MTHFS: variants seen among roughly 807,000 people sequenced by gnomAD.
MTHFS encodes the protein methenyltetrahydrofolate synthetase.
A neutral mutation model predicts 12.7 loss-of-function variants in MTHFS; 7 were observed. The observed-to-expected ratio is 0.55, with a 90% CI of 0.31 to 1.03. MTHFS has a LOEUF of 1.03. MTHFS is among the 50% of genes least tolerant of loss of function. The pLI is 0.05. For synonymous variants in MTHFS, 100 were observed against 97.1 expected (o/e 1.03, Z -0.18); for missense variants, 252 against 258.1 (o/e 0.98, Z 0.16).
chr15:79,894,517 TCTC>T (rs2034532239), intron 1 of MTHFS, among the ~76,000 whole-genome samples: 1 of 152,218 alleles, frequency 6.6e-6, no homozygotes, highest in Non-Finnish European at 1.5e-5. Flanking sequence ...AATTTTTCTC[TCTC>T]CTCCTTTAAT....
Position 79,889,113 on chromosome 15 carries a change from C to G in MTHFS, c.359G>C (p.Arg120Pro), listed in dbSNP as rs142339581. The change falls in exon 2 of 3, where the codon CGG becomes CCG. Residue 120 changes from arginine (R) to proline (P), a missense_variant. Coordinates refer to ENST00000258874, the MANE Select transcript of MTHFS (RefSeq NM_006441.4). ...NIPQPGEGDV[R>P]EEALSTGGLD... ...CTCACCTGTGGACAAGGCCTCCTCC[C>G]GAACATCACCCTCACCAGGCTGAGG... 1.9e-5 allele frequency: 31 copies of G among 1,614,134 alleles called. No homozygotes were observed. Among genetic ancestry groups the G allele is most frequent in the Non-Finnish European group, 2.5e-5 (30 of 1,180,022 alleles).
chr15:79,883,666 A>G (rs2034334302), intron 2 of MTHFS, among the ~76,000 whole-genome samples: 1 of 150,868 alleles, frequency 6.6e-6, no homozygotes, highest in Admixed American at 6.6e-5. Flanking sequence ...CTACAAGGCG[A>G]ACTGTACTAG....
chr15:79,894,003 C>T (rs1015153159), intron 1 of MTHFS, among the ~76,000 whole-genome samples: 1 of 152,274 alleles, frequency 6.6e-6, no homozygotes, highest in Non-Finnish European at 1.5e-5. Context: ...AAACACTACA[C>T]AGTACACTGA....
At chr15:79,885,693 A>C (rs963560923) in intron 2 of MTHFS, among the ~76,000 whole-genome samples, 2 of 152,250 alleles carry the variant, frequency 1.3e-5, no homozygotes, top group Non-Finnish European at 2.9e-5. Context: ...ATTTGGGTCA[A>C]GAAGAGTTAG....
intron 1 of MTHFS, among the ~76,000 whole-genome samples, chr15:79,895,758 C>A (rs1427235399): frequency 6.6e-6 from 1 of 152,182 alleles, no homozygotes; most frequent in Non-Finnish European, 1.5e-5. Flanking sequence ...AACCCATAGG[C>A]ACCTTGAATT....
At chr15:79,864,706 C>T (rs1488968893) in intron 2 of MTHFS, among the ~76,000 whole-genome samples, 1 of 151,928 alleles carries the variant, frequency 6.6e-6, no homozygotes, top group Non-Finnish European at 1.5e-5. Context: ...CAAGTTAGTA[C>T]CCCCTTGCTT....
intron 2 of MTHFS, among the ~76,000 whole-genome samples, chr15:79,875,261 G>T (rs569383680): frequency 1.3e-5 from 2 of 148,272 alleles, no homozygotes; most frequent in South Asian, 4.3e-4. Context: ...CTGACTTCCC[G>T]CAACAAAAGC....
At position 79,845,225 on chromosome 15, in the gene MTHFS, G is replaced by C; in HGVS notation, c.597C>G (p.Asp199Glu). 1 of 1,614,186 alleles carries C rather than the reference G, an allele frequency of 6.2e-7. No individual in the cohort carries two copies. Among genetic ancestry groups the C allele is most frequent in the South Asian group, 1.1e-5 (1 of 91,084 alleles). The change falls in exon 3 of 3, where the codon GAC becomes GAG. Residue 199 changes from aspartate to glutamate, a missense_variant. By Grantham distance (45) the Asp-to-Glu change is conservative. Coordinates refer to ENST00000258874, the MANE Select transcript of MTHFS (RefSeq NM_006441.4). ...DMKVDEVLYE[D>E]SSTA The stretch of plus-strand genomic sequence containing the variant: ...TAATCCAGATTTAAGCTGTTGACGA[G>C]TCTTCGTAAAGGACTTCATCTACCT...
chr15:79,889,468 A>G, intron 1 of MTHFS, 114 bp from the exon 2 acceptor site: 2 of 1,363,218 alleles, frequency 1.5e-6, no homozygotes, highest in Non-Finnish European at 1.9e-6. Context: ...TTAAAAAGAA[A>G]AAAAAAGGGG....
In MTHFS at chr15:79,879,120, A is replaced by ATTTTCATTTGTATCATGC. The variant is rs538316538; in HGVS notation, c.379+9955_379+9972dup. 1.2e-3 allele frequency among the ~76,000 whole-genome samples: 180 copies of ATTTTCATTTGTATCATGC among 152,118 alleles called. 1 individual carries two copies. The highest frequency in any genetic ancestry group is 2.0e-3 in the Non-Finnish European group (139 of 67,984). ...AAAAAATTTAACACAAAAAATTTTC[A>ATTTTCATTTGTATCATGC]TTTTCATTTGTATCATGCTTTTCAT... On this transcript the variant is annotated intron_variant, in intron 2 of 2. Coordinates refer to ENST00000258874, the MANE Select transcript of MTHFS (RefSeq NM_006441.4).
intron 2 of MTHFS, among the ~76,000 whole-genome samples, chr15:79,850,039 A>G (rs1426339939): frequency 6.6e-6 from 1 of 152,256 alleles, no homozygotes; most frequent in African/African-American, 2.4e-5. Context: ...CTGTGTGATC[A>G]TAGGAAAGCT....
At chr15:79,875,801 A>C (rs1027029557) in intron 2 of MTHFS, 1 of 152,178 alleles carries the variant, frequency 6.6e-6, no homozygotes, top group Non-Finnish European at 1.5e-5. Context: ...AAATATTTGC[A>C]AATCACATAT....
At chr15:79,880,042 CA>C (rs1251206190) in intron 2 of MTHFS, among the ~76,000 whole-genome samples, 1 of 152,074 alleles carries the variant, frequency 6.6e-6, no homozygotes, top group African/African-American at 2.4e-5. Flanking sequence ...CTACTTCATC[CA>C]ACAGTAAATT....
At chr15:79,889,673 C>T (rs968955262) in intron 1 of MTHFS, among the ~76,000 whole-genome samples, 19 of 152,108 alleles carry the variant, frequency 1.2e-4, no homozygotes, top group African/African-American at 4.3e-4. Flanking sequence ...CCCCACCTAT[C>T]CATTTTAGTA....
rs2034577319 is a variant in MTHFS at position 79,896,689 on chromosome 15, C to A, written c.117+183G>T. 2.6e-6 allele frequency: 3 copies of A among 1,147,650 alleles called. No homozygotes were observed. In the African/African-American group the frequency reaches 4.9e-5, roughly 19 times the overall value. The allele number at this position is 1,147,650 out of a possible 1,614,324, so 71.1% of individuals were successfully genotyped here. A position where few individuals can be genotyped will look rare whatever the true frequency, so the allele number is the denominator to read the frequency against. On this transcript the variant is annotated intron_variant, in intron 1 of 2. Coordinates refer to ENST00000258874, the MANE Select transcript of MTHFS (RefSeq NM_006441.4). ...CCGGGCCCTCTCCCCGCCATAGTGC[C>A]AAGAGCGTCCAGACCACGACTAGGG...
chr15:79,853,463 A>G (rs1566987855), intron 2 of MTHFS, among the ~76,000 whole-genome samples: 1 of 149,568 alleles, frequency 6.7e-6, no homozygotes, highest in Non-Finnish European at 1.5e-5. Flanking sequence ...TCTTCTTCAG[A>G]TAAAAATAAT....
chr15:79,858,325 G>A (rs559008439), intron 2 of MTHFS, among the ~76,000 whole-genome samples: 3 of 152,320 alleles, frequency 2.0e-5, no homozygotes, highest in African/African-American at 7.2e-5. Context: ...AGGTACAAAG[G>A]AAGGAAGTTG....
In MTHFS at chr15:79,896,149, C is replaced by A. The variant is rs993074164; in HGVS notation, c.117+723G>T. ...AACACGGACCCTCACTTATTCCTCT[C>A]ATTTCTCTCTTCTGTTTCCTACGTT... is the stretch of plus-strand genomic sequence containing the variant. On this transcript the variant is annotated intron_variant, in intron 1 of 2. Transcript: ENST00000258874. Among the ~76,000 whole-genome samples, 8 of 152,358 alleles carry A rather than the reference C, an allele frequency of 5.3e-5. No individual in the cohort carries two copies. The East Asian group carries it at 1.5e-3, about 29-fold the overall frequency.
chr15:79,845,281 G>A lies in MTHFS; in HGVS notation c.541C>T (p.Leu181Phe). 1 of 1,614,172 alleles carries A rather than the reference G, an allele frequency of 6.2e-7. No individual in the cohort carries two copies. Among genetic ancestry groups the A allele is most frequent in the Non-Finnish European group, 8.5e-7 (1 of 1,180,042 alleles). Reference protein sequence around the residue: ...LALAFKEQICLQVPVNENDMK... With the variant: ...LALAFKEQICFQVPVNENDMK... The stretch of plus-strand genomic sequence containing the variant: ...TCGTTTTCATTCACTGGGACCTGGA[G>A]GCAAATCTGTTCTTTGAAAGCCAAC... The change falls in exon 3 of 3, where the codon CTC (leucine) becomes TTC (phenylalanine). Residue 181 changes from leucine to phenylalanine, a missense_variant. Physicochemically the swap from Leu to Phe is conservative, Grantham distance 22. Coordinates refer to ENST00000258874, the MANE Select transcript of MTHFS (RefSeq NM_006441.4).
Sources: gnomAD v4.1 joint callset for allele counts (sites outside exome capture counted in the v4.1 genomes callset) on GRCh38, gnomAD v4.1.1 for gene constraint, MANE v1.5 for transcripts, NCBI Gene and HGNC (gene_info 2026-07-23, HGNC 2026-07-21) for gene names.